ARMC9: variants seen among roughly 807,000 people sequenced by gnomAD.
ARMC9 encodes lisH domain-containing protein ARMC9.
In ARMC9, 94 loss-of-function variants were observed where a neutral mutation model predicts 107.0. The ratio of observed to expected loss-of-function variants is 0.88; its 90% CI spans 0.74 to 1.04. The LOEUF is 1.04. ARMC9 is among the 50% of genes least tolerant of loss of function. The probability of loss-of-function intolerance (pLI) is 0.00; values close to 1 mark genes in which losing one functional copy is unlikely to be tolerated. For synonymous variants in ARMC9, 380 were observed against 396.9 expected, an observed-to-expected ratio of 0.96 and a Z score of 0.51; for missense variants, 942 against 1,030.1, an observed-to-expected ratio of 0.91 and a Z score of 1.17.
chr2:231,284,565 G>T (rs1284510430), intron 17 of ARMC9, among the ~76,000 whole-genome samples: 1 of 152,302 alleles, frequency 6.6e-6, no homozygotes, highest in East Asian at 1.9e-4. Context: ...CTCTCCATAA[G>T]GCTTCTCTTG....
rs1171064202 is a variant in ARMC9 at position 231,374,127 on chromosome 2, G to A, written c.*2592G>A. 1 of 152,116 alleles carries A rather than the reference G, an allele frequency of 6.6e-6. No individual in the cohort carries two copies. Among genetic ancestry groups the A allele is most frequent in the African/African-American group, 2.4e-5 (1 of 41,408 alleles). 9.4% of individuals were successfully genotyped at this position (152,116 alleles called of 1,614,324 possible). A position where few individuals can be genotyped will look rare whatever the true frequency, so the allele number is the denominator to read the frequency against. On this transcript the variant is annotated 3_prime_UTR_variant, in exon 25 of 25. Coordinates refer to ENST00000611582, the MANE Select transcript of ARMC9 (RefSeq NM_001352754.2). The stretch of plus-strand genomic sequence containing the variant: ...AGCTCCAATGAGCTTGCTGAGGATG[G>A]GTATGACCCCAGTCTAAGGGGAAAG...
chr2:231,289,319 T>C (rs191888248), intron 17 of ARMC9, among the ~76,000 whole-genome samples: 412 of 152,024 alleles, frequency 2.7e-3, no homozygotes, highest in Middle Eastern at 0.01. Context: ...ATACAAAAAT[T>C]AGTCAGGCAT....
intron 18 of ARMC9, among the ~76,000 whole-genome samples, chr2:231,291,680 G>A (rs1220617305): frequency 6.6e-6 from 1 of 151,940 alleles, no homozygotes; most frequent in Non-Finnish European, 1.5e-5. Flanking sequence ...GCCAGGTGTG[G>A]TGGCTTGGCC....
At chr2:231,285,633 G>A (rs988808681) in intron 17 of ARMC9, among the ~76,000 whole-genome samples, 3 of 145,924 alleles carry the variant, frequency 2.1e-5, no homozygotes, top group Non-Finnish European at 4.5e-5. Flanking sequence ...GCAACAGGGT[G>A]AGACTCCGTC....
intron 3 of ARMC9, among the ~76,000 whole-genome samples, chr2:231,210,669 T>A (rs2032698253): frequency 6.6e-6 from 1 of 152,250 alleles, no homozygotes; most frequent in Admixed American, 6.5e-5. Context: ...AGGTGGCTGC[T>A]GTACACTTTC....
At chr2:231,258,539 G>A (rs1048536216) in intron 10 of ARMC9, among the ~76,000 whole-genome samples, 2 of 152,164 alleles carry the variant, frequency 1.3e-5, no homozygotes, top group African/African-American at 4.8e-5. Context: ...CCCCGGTCCA[G>A]TAGCTCAGGC....
Position 231,360,966 on chromosome 2 carries a change from G to C in ARMC9, c.2261+83G>C. 7.6e-6 allele frequency: 11 copies of C among 1,446,186 alleles called. No individual in the cohort carries two copies. Among genetic ancestry groups the C allele is most frequent in the Non-Finnish European group, 9.9e-6 (11 of 1,105,906 alleles). 89.6% of individuals were successfully genotyped at this position (1,446,186 alleles called of 1,614,324 possible). A position where few individuals can be genotyped will look rare whatever the true frequency, so the allele number is the denominator to read the frequency against. On this transcript the variant is annotated intron_variant, in intron 23 of 24. Coordinates refer to ENST00000611582, the MANE Select transcript of ARMC9 (RefSeq NM_001352754.2). This position sits in a 1 kb window ranked among gnomAD's most constrained non-coding sequence, Gnocchi z 4.7. ...CCCACGCCGGATGCAGAGCACCCAG[G>C]AGACCTGGAAGGCTCCTCTGAGGCC...
At position 231,240,009 on chromosome 2, in the gene ARMC9, G is replaced by C. The variant is rs1210381506; in HGVS notation, c.847G>C (p.Ala283Pro). ...LFSNQMRQSLAHSVDFTRPGT... is the reference protein window; with the variant it reads ...LFSNQMRQSLPHSVDFTRPGT... ...CAGTAACCAGATGCGGCAGAGCCTG[G>C]CGCATAGTGTGGACTTCACGAGGCC... is the stretch of plus-strand genomic sequence containing the variant. The change falls in exon 9 of 25, where the codon GCG (alanine) becomes CCG (proline). Residue 283 changes from alanine (A) to proline (P), a missense_variant. Coordinates refer to ENST00000611582, the MANE Select transcript of ARMC9 (RefSeq NM_001352754.2). The C allele has an allele frequency of 6.2e-7, 1 of 1,613,888 alleles. No individual in the cohort carries two copies. The highest frequency in any genetic ancestry group is 8.5e-7 in the Non-Finnish European group (1 of 1,179,910).
At chr2:231,259,599 G>A (rs751786943) in intron 11 of ARMC9, among the ~76,000 whole-genome samples, 5 of 152,158 alleles carry the variant, frequency 3.3e-5, no homozygotes, top group Non-Finnish European at 2.9e-5. Flanking sequence ...AAGCTTTTTC[G>A]TGTCAGACCC....
At chr2:231,244,418 G>A (rs2036575566) in intron 9 of ARMC9, among the ~76,000 whole-genome samples, 1 of 149,464 alleles carries the variant, frequency 6.7e-6, no homozygotes, top group African/African-American at 2.5e-5. Flanking sequence ...CCAGGCTGGA[G>A]TGCATTGGCA....
intron 1 of ARMC9, among the ~76,000 whole-genome samples, chr2:231,201,719 G>A (rs757153811): frequency 3.9e-5 from 6 of 152,162 alleles, no homozygotes; most frequent in Non-Finnish European, 5.9e-5. Context: ...GTGTCCCATC[G>A]TGGTTGTACT....
chr2:231,278,323 C>A, intron 15 of ARMC9, 59 bp from the exon 16 acceptor site: 1 of 1,561,178 alleles, frequency 6.4e-7, no homozygotes, highest in South Asian at 1.1e-5. Flanking sequence ...TCTACCTGAC[C>A]TAAAATTGTG....
At chr2:231,293,606 A>T (rs1442553420) in intron 18 of ARMC9, among the ~76,000 whole-genome samples, 1 of 152,118 alleles carries the variant, frequency 6.6e-6, no homozygotes, top group African/African-American at 2.4e-5. Flanking sequence ...GACAATTTAC[A>T]CTTTTGTAAG....
chr2:231,242,810 A>T (rs76393793), intron 9 of ARMC9, among the ~76,000 whole-genome samples: 141 of 152,316 alleles, frequency 9.3e-4, no homozygotes, highest in African/African-American at 3.2e-3. Flanking sequence ...TGATGTATCC[A>T]GTTTATTTAA....
At chr2:231,368,966 A>C (rs1575202802) in intron 23 of ARMC9, among the ~76,000 whole-genome samples, 2 of 152,328 alleles carry the variant, frequency 1.3e-5, no homozygotes, top group East Asian at 3.9e-4. Flanking sequence ...ATGTAAAAAA[A>C]GGCATATAGA....
chr2:231,262,535 C>G (rs1194121276), intron 12 of ARMC9, 137 bp downstream of exon 12: 1 of 829,226 alleles, frequency 1.2e-6, no homozygotes, highest in South Asian at 1.6e-5. Context: ...TCATGAGGTT[C>G]TGGGCATTGG....
chr2:231,207,464 C>G (rs546453891), intron 2 of ARMC9, among the ~76,000 whole-genome samples: 27 of 151,494 alleles, frequency 1.8e-4, no homozygotes, highest in Middle Eastern at 3.4e-3. Flanking sequence ...CTGGCCTATA[C>G]CATTTTTTCT....
chr2:231,201,091 G>T (rs1465686348), intron 1 of ARMC9, among the ~76,000 whole-genome samples: 1 of 152,166 alleles, frequency 6.6e-6, no homozygotes, highest in Non-Finnish European at 1.5e-5. Context: ...TCAGGTAGGG[G>T]GAGGTGGATG....
chr2:231,250,514 C>G (rs1019540939), intron 9 of ARMC9, among the ~76,000 whole-genome samples: 14 of 152,168 alleles, frequency 9.2e-5, no homozygotes, highest in African/African-American at 3.1e-4. Flanking sequence ...ACTCACACTG[C>G]AGAGAACGCA....
Sources: allele counts gnomAD v4.1 joint callset (sites outside exome capture counted in the v4.1 genomes callset), GRCh38; gene constraint gnomAD v4.1.1; non-coding constraint Gnocchi (gnomAD v3.1); transcripts MANE v1.5; gene names NCBI Gene and HGNC (gene_info 2026-07-23, HGNC 2026-07-21).